INF2: variants seen among roughly 807,000 people sequenced by gnomAD.
INF2 encodes the protein inverted formin 2.
Under a neutral mutation model 123.5 loss-of-function variants are expected in INF2, and 43 were observed. The observed-to-expected ratio is 0.35, with a 90% CI of 0.27 to 0.45. INF2 has a LOEUF of 0.45. Ranked by LOEUF, INF2 falls within the 20% of genes least tolerant of loss-of-function variation. INF2 has a pLI of 1.00. For missense variants in INF2, 1,453 were observed against 1,682.7 expected (o/e 0.86, Z 2.39); for synonymous variants, 851 against 745.0 (o/e 1.14, Z -2.32).
At chr14:104,685,499 G>T (rs943464796), upstream of INF2, among the ~76,000 whole-genome samples, 1 of 151,888 alleles carries the variant, frequency 6.6e-6, no homozygotes, top group Non-Finnish European at 1.5e-5. Flanking sequence ...GGTGACTGGG[G>T]GCGGTCGTGT....
rs1237935634 is a variant in INF2 at position 104,703,901 on chromosome 14, T to C, written c.668-15T>C. The stretch of plus-strand genomic sequence containing the variant: ...GTGGCCTCCGAACCCTCTGACCCTG[T>C]CCGTCCCTTCCCAGGGCTGCAGCTG... On this transcript the variant is annotated splice_polypyrimidine_tract_variant and intron_variant, in intron 4 of 22. Transcript: ENST00000392634. 4 of 1,610,998 alleles carry C rather than the reference T, an allele frequency of 2.5e-6. No individual in the cohort carries two copies. The highest frequency in any genetic ancestry group is 1.7e-5 in the Admixed American group (1 of 60,004).
intron 2 of INF2, among the ~76,000 whole-genome samples, chr14:104,702,300 CCCGG>C (rs1056325857): frequency 6.6e-6 from 1 of 152,178 alleles, no homozygotes; most frequent in Non-Finnish European, 1.5e-5. Flanking sequence ...GGGACTCGTT[CCCGG>C]CAGGCAGGCA....
At chr14:104,705,686 C>G (rs1477619858) in intron 5 of INF2, among the ~76,000 whole-genome samples, 4 of 152,226 alleles carry the variant, frequency 2.6e-5, no homozygotes, top group Non-Finnish European at 4.4e-5. Context: ...AGGGCCTTCC[C>G]TCCCCCAAGG....
intron 2 of INF2, 109 bp downstream of exon 2, chr14:104,701,865 GC>G: frequency 8.0e-7 from 1 of 1,248,622 alleles, no homozygotes. Flanking sequence ...AGGAAGCGCA[GC>G]CAGGCAGGCA....
At chr14:104,705,057 G>C (rs999699458) in intron 5 of INF2, among the ~76,000 whole-genome samples, 1 of 152,132 alleles carries the variant, frequency 6.6e-6, no homozygotes, top group African/African-American at 2.4e-5. Context: ...ACTGTACTCA[G>C]GGGGGTGTCC....
rs1025444082 is a variant in INF2 at position 104,699,632 on chromosome 14, C to T, written c.-9-1725C>T. 30 of 978,294 alleles carry T rather than the reference C, an allele frequency of 3.1e-5. No homozygotes were observed. The African/African-American group carries it at 4.0e-4, about 13-fold the overall frequency. The allele number at this position is 978,294 out of a possible 1,614,324, so 60.6% of individuals were successfully genotyped here. A position where few individuals can be genotyped will look rare whatever the true frequency, so the allele number is the denominator to read the frequency against. ...ACGGCCACTGGGTGACCAAGAGGGC[C>T]GGGCCTGGGAGGGTGGCTTAAAACC... On this transcript the variant is annotated intron_variant, in intron 1 of 22. Coordinates refer to ENST00000392634, the MANE Select transcript of INF2 (RefSeq NM_022489.4). This position sits in a 1 kb window ranked among gnomAD's most constrained non-coding sequence, Gnocchi z 4.7.
rs143540449 is a variant in INF2 at position 104,714,406 on chromosome 14, G to T, written c.3244G>T (p.Ala1082Ser). ...GAGGCGTTCTTCCTGGTATGTGGAT[G>T]CCAGCGATGTCCTAACCACTGAGGA... Reference protein sequence around the residue: ...LERRSSWYVDASDVLTTEDPQ... With the variant: ...LERRSSWYVDSSDVLTTEDPQ... The change falls in exon 21 of 23, where the codon GCC becomes TCC. Residue 1082 changes from alanine (A) to serine (S), a missense_variant. By Grantham distance (99) the Ala-to-Ser change is moderately conservative. This residue lies in a region of INF2 where 344 missense variants were observed against 333.1 expected (regional missense o/e 1.03). Coordinates refer to ENST00000392634, the MANE Select transcript of INF2 (RefSeq NM_022489.4). 434 of 1,604,876 alleles carry T rather than the reference G, an allele frequency of 2.7e-4. No individual in the cohort carries two copies. The African/African-American group carries it at 4.8e-3, about 18-fold the overall frequency.
chr14:104,695,998 G>A (rs757819321), intron 1 of INF2, among the ~76,000 whole-genome samples: 7 of 152,132 alleles, frequency 4.6e-5, no homozygotes, highest in Non-Finnish European at 7.4e-5. Context: ...AGTATGAAAC[G>A]ACCATATTCA....
At chr14:104,702,349 C>T (rs1421661889) in intron 2 of INF2, among the ~76,000 whole-genome samples, 1 of 152,208 alleles carries the variant, frequency 6.6e-6, no homozygotes, top group Non-Finnish European at 1.5e-5. Context: ...GTGTTTTCTG[C>T]CTTTGCGTCC....
At chr14:104,708,412 A>G in intron 8 of INF2, 24 bp from the exon 9 acceptor site, 1 of 1,609,374 alleles carries the variant, frequency 6.2e-7, no homozygotes, top group Non-Finnish European at 8.5e-7. Context: ...CGAGAGCCTC[A>G]CTGGCCGTGT....
intron 1 of INF2, among the ~76,000 whole-genome samples, chr14:104,682,572 T>C (rs1268836921): frequency 6.6e-6 from 1 of 152,084 alleles, no homozygotes; most frequent in Admixed American, 6.5e-5. Context: ...CAGAGCGGGC[T>C]GCCTGGCCTG....
At position 104,711,695 on chromosome 14, in the gene INF2, G is replaced by T. The variant is rs374927429; in HGVS notation, c.2485G>T (p.Ala829Ser). 3.1e-6 allele frequency: 5 copies of T among 1,612,330 alleles called. No homozygotes were observed. Among genetic ancestry groups the T allele is most frequent in the Non-Finnish European group, 4.2e-6 (5 of 1,179,634 alleles). The change falls in exon 16 of 23, where the codon GCA becomes TCA. Residue 829 changes from alanine to serine, a missense_variant. Physicochemically the swap from Ala to Ser is moderately conservative, Grantham distance 99 (BLOSUM62 1). Around this residue, in one of 8 missense-constraint regions of INF2, gnomAD observed 212 missense variants for 266.2 expected, o/e 0.80. Coordinates refer to ENST00000392634, the MANE Select transcript of INF2 (RefSeq NM_022489.4). The stretch of plus-strand genomic sequence containing the variant: ...GGACCTGGAACAGCCCTCGCAAGCA[G>T]CAGGGTAGGTAGCTCCTGCCAGCCC... Reference protein sequence around the residue: ...PRDLEQPSQAAGINLEIIRSE... With the variant: ...PRDLEQPSQASGINLEIIRSE...
At chr14:104,685,985 G>A, upstream of INF2, among the ~76,000 whole-genome samples, 1 of 140,144 alleles carries the variant, frequency 7.1e-6, no homozygotes, top group South Asian at 2.4e-4. Context: ...GTGGGTAGGT[G>A]GATGGATGGA....
At position 104,707,868 on chromosome 14, in the gene INF2, T is replaced by A; in HGVS notation, c.1601T>A (p.Met534Lys). The A allele has an allele frequency of 6.2e-7, 1 of 1,602,978 alleles. No individual in the cohort carries two copies. The highest frequency in any genetic ancestry group is 8.5e-7 in the Non-Finnish European group (1 of 1,178,250). The change falls in exon 8 of 23, where the codon ATG becomes AAG. Residue 534 changes from methionine (M) to lysine (K), a missense_variant. Met to Lys is a moderately conservative substitution (Grantham distance 95). Coordinates refer to ENST00000392634, the MANE Select transcript of INF2 (RefSeq NM_022489.4). ...TGCAGCCCCCCCGTGGCGGGAGGCA[T>A]GGAGGAGGTCATCGTGGCCCAGGTG... ...CTCSPPVAGG[M>K]EEVIVAQVDH...
chr14:104,708,557 G>T lies in INF2; in HGVS notation c.1857G>T (p.Val619=). 1 of 1,612,274 alleles carries T rather than the reference G, an allele frequency of 6.2e-7. No individual in the cohort carries two copies. Among genetic ancestry groups the T allele is most frequent in the South Asian group, 1.1e-5 (1 of 91,082 alleles). ...PAAKPKEPTM[V]APRARKEPKE... is the part of the protein sequence containing the mutation. ...CCAAGCCCAAGGAGCCCACCATGGT[G>T]GCCCCCCGGGCCAGGAAGGAGCCCA... Residue 619 remains valine, a synonymous_variant, in exon 9 of 23, where the codon GTG becomes GTT. Coordinates refer to ENST00000392634, the MANE Select transcript of INF2 (RefSeq NM_022489.4).
intron 10 of INF2, 82 bp downstream of exon 10, chr14:104,708,814 C>CAAG: frequency 7.2e-7 from 1 of 1,387,800 alleles, no homozygotes; most frequent in Non-Finnish European, 1.0e-6. Flanking sequence ...CAGCAGTGCC[C>CAAG]TCTGCAGGCC....
chr14:104,683,608 T>A (rs147624135), intron 1 of INF2, among the ~76,000 whole-genome samples: 1 of 81,768 alleles, frequency 1.2e-5, no homozygotes, highest in Non-Finnish European at 2.4e-5. Context: ...CCCGCCCCCC[T>A]CCCCACCACA....
At chr14:104,704,137 C>T in intron 5 of INF2, 188 bp downstream of exon 5, 1 of 1,451,572 alleles carries the variant, frequency 6.9e-7, no homozygotes, top group Non-Finnish European at 9.0e-7. Flanking sequence ...CTCACTGTCC[C>T]TGGCAGCTGC....
Position 104,714,216 on chromosome 14 carries a change from C to A in INF2, c.3054C>A (p.Asn1018Lys), listed in dbSNP as rs983208436. The A allele has an allele frequency of 6.5e-7, 1 of 1,541,350 alleles. No homozygotes were observed. ...PRATEPVATSNPAGDPVGSTR... is the reference protein window; with the variant it reads ...PRATEPVATSKPAGDPVGSTR... Reference sequence around the variant, plus strand: ...CCCTCCATCCAGTGGCCACCAGTAACCCTGCAGGAGATCCCGTGGGCAGCA... The same window carrying A: ...CCCTCCATCCAGTGGCCACCAGTAAACCTGCAGGAGATCCCGTGGGCAGCA... Residue 1018 changes from asparagine (N) to lysine (K), a missense_variant, in exon 21 of 23, where the codon AAC (asparagine) becomes AAA (lysine). Physicochemically the swap from Asn to Lys is moderately conservative, Grantham distance 94. Transcript: ENST00000392634.
Sources: gnomAD v4.1 joint callset for allele counts (sites outside exome capture counted in the v4.1 genomes callset) on GRCh38, gnomAD v4.1.1 for gene constraint, gnomAD v4.1.1 regional missense constraint, Gnocchi (gnomAD v3.1) non-coding constraint, MANE v1.5 for transcripts, NCBI Gene and HGNC (gene_info 2026-07-23, HGNC 2026-07-21) for gene names.